The following SLC15A5 variants were observed in gnomAD, a reference collection of about 807,000 sequenced individuals.
The protein encoded by SLC15A5 is Peptide/histidine transporter ENSP00000340402.
A neutral mutation model predicts 56.1 loss-of-function variants in SLC15A5; 58 were observed. The observed-to-expected ratio is 1.03, with a 90% confidence interval of 0.84 to 1.29. The LOEUF (loss-of-function observed/expected upper bound fraction) is 1.29. Ranked by LOEUF, SLC15A5 falls within the 50% of genes most tolerant of loss-of-function variation. The pLI is 0.00. For missense variants in SLC15A5, 681 were observed against 672.1 expected, an observed-to-expected ratio of 1.01 and a Z score of -0.15; for synonymous variants, 264 against 250.5, an observed-to-expected ratio of 1.05 and a Z score of -0.51.
intron 2 of SLC15A5, among the ~76,000 whole-genome samples, chr12:16,263,866 G>A (rs1468238778): frequency 2.0e-5 from 3 of 152,194 alleles, no homozygotes; most frequent in East Asian, 1.9e-4. Context: ...TGAGGTTTGG[G>A]AACCTCCACC....
chr12:16,222,009 G>C (rs1297665648), intron 6 of SLC15A5, among the ~76,000 whole-genome samples: 3 of 151,436 alleles, frequency 2.0e-5, no homozygotes, highest in African/African-American at 2.4e-5. Context: ...CTTCTGTTCT[G>C]AGTCTGACAC....
At chr12:16,238,368 C>T (rs1332603948) in intron 5 of SLC15A5, among the ~76,000 whole-genome samples, 1 of 152,014 alleles carries the variant, frequency 6.6e-6, no homozygotes. Flanking sequence ...TGGCTCACAC[C>T]TGTCATCCCA....
intron 2 of SLC15A5, 143 bp from the exon 3 acceptor site, chr12:16,258,013 G>C: frequency 3.2e-6 from 2 of 617,548 alleles, no homozygotes; most frequent in Non-Finnish European, 4.9e-6. Flanking sequence ...TTGTTTATCA[G>C]ATTTCTTAAG....
At chr12:16,239,401 C>A (rs1864388511) in intron 5 of SLC15A5, among the ~76,000 whole-genome samples, 1 of 152,142 alleles carries the variant, frequency 6.6e-6, no homozygotes, top group African/African-American at 2.4e-5. Flanking sequence ...GACTGCCTGA[C>A]TTTAAGGATA....
At chr12:16,224,651 G>C (rs1864221907) in intron 5 of SLC15A5, 49 bp from the exon 6 acceptor site, 1 of 1,471,170 alleles carries the variant, frequency 6.8e-7, no homozygotes, top group Non-Finnish European at 9.1e-7. Flanking sequence ...AAGAGCTAGA[G>C]ATTCATGTAA....
At chr12:16,195,335 G>C (rs1264633730) in intron 7 of SLC15A5, among the ~76,000 whole-genome samples, 1 of 151,920 alleles carries the variant, frequency 6.6e-6, no homozygotes. Flanking sequence ...ACTATTTTAT[G>C]AATATTGTAT....
At chr12:16,247,546 T>C (rs1864474200) in intron 3 of SLC15A5, among the ~76,000 whole-genome samples, 1 of 152,064 alleles carries the variant, frequency 6.6e-6, no homozygotes, top group Admixed American at 6.6e-5. Flanking sequence ...GCTGTTATGA[T>C]AGAGACCCAT....
chr12:16,202,855 A>C (rs1319859748), intron 7 of SLC15A5, among the ~76,000 whole-genome samples: 2 of 152,182 alleles, frequency 1.3e-5, no homozygotes, highest in Non-Finnish European at 2.9e-5. Flanking sequence ...TGACGTAAGC[A>C]AGACACAGAA....
At chr12:16,263,105 G>C (rs1001799556) in intron 2 of SLC15A5, among the ~76,000 whole-genome samples, 2 of 152,204 alleles carry the variant, frequency 1.3e-5, no homozygotes, top group African/African-American at 2.4e-5. Context: ...GGATGGAACA[G>C]TTTGGAGGGC....
chr12:16,244,493 C>T (rs1002262249), intron 4 of SLC15A5, 87 bp downstream of exon 4: 6 of 1,222,152 alleles, frequency 4.9e-6, no homozygotes, highest in East Asian at 5.1e-5. Context: ...GGAAAGCGCT[C>T]GTTGGGGAGA....
At chr12:16,208,398 G>A (rs1379044864) in intron 7 of SLC15A5, among the ~76,000 whole-genome samples, 7 of 152,166 alleles carry the variant, frequency 4.6e-5, no homozygotes, top group Admixed American at 4.6e-4. Context: ...AGTATTAGGT[G>A]TGGTGGCTTT....
At chr12:16,244,886 G>C in intron 3 of SLC15A5, 86 bp from the exon 4 acceptor site, 1 of 1,380,306 alleles carries the variant, frequency 7.2e-7, no homozygotes, top group Non-Finnish European at 9.8e-7. Context: ...AACGATTCAA[G>C]GATTCACGGC....
chr12:16,199,481 T>C (rs3858682), intron 7 of SLC15A5, among the ~76,000 whole-genome samples: 79,511 of 151,698 alleles, frequency 0.52, 21,254 homozygotes, highest in South Asian at 0.73. Context: ...AATGCATAAT[T>C]ACTGTTTATT....
chr12:16,219,408 ACTTTC>A (rs1864164248), intron 6 of SLC15A5, among the ~76,000 whole-genome samples: 1 of 152,194 alleles, frequency 6.6e-6, no homozygotes, highest in South Asian at 2.1e-4. Context: ...TGGCTTATAA[ACTTTC>A]CTTTCCATAA....
chr12:16,203,564 A>C (rs757477841), intron 7 of SLC15A5, among the ~76,000 whole-genome samples: 1 of 152,174 alleles, frequency 6.6e-6, no homozygotes, highest in Non-Finnish European at 1.5e-5. Flanking sequence ...AAACAAGAAT[A>C]AAGTTTTTGT....
At chr12:16,213,020 G>T (rs894369507) in intron 7 of SLC15A5, among the ~76,000 whole-genome samples, 9 of 151,880 alleles carry the variant, frequency 5.9e-5, no homozygotes, top group Non-Finnish European at 1.0e-4. Flanking sequence ...AATCTCTGTT[G>T]GCATTCAGAG....
intron 3 of SLC15A5, among the ~76,000 whole-genome samples, chr12:16,246,897 C>T (rs190482742): frequency 6.6e-6 from 1 of 151,902 alleles, no homozygotes; most frequent in South Asian, 2.1e-4. Flanking sequence ...TGCTTTTCAA[C>T]CTGTGTTAAA....
intron 2 of SLC15A5, among the ~76,000 whole-genome samples, chr12:16,268,506 A>G (rs11056849): frequency 0.44 from 66,834 of 152,064 alleles, 15,397 homozygotes; most frequent in Middle Eastern, 0.51. Flanking sequence ...TATTAATAAG[A>G]TTATTTCATG....
intron 5 of SLC15A5, among the ~76,000 whole-genome samples, chr12:16,224,874 C>G (rs1169262248): frequency 7.6e-5 from 10 of 131,942 alleles, no homozygotes; most frequent in Non-Finnish European, 1.3e-4. Context: ...CTATTCCTCC[C>G]CCCTCCCCCC....
Sources: gnomAD v4.1 joint callset for allele counts (sites outside exome capture counted in the v4.1 genomes callset) on GRCh38, gnomAD v4.1.1 for gene constraint, MANE v1.5 for transcripts, NCBI Gene and HGNC (gene_info 2026-07-23, HGNC 2026-07-21) for gene names.